The following NKAIN2 variants were observed in gnomAD, a reference collection of about 807,000 sequenced individuals.
NKAIN2 encodes the protein sodium/potassium-transporting ATPase subunit beta-1-interacting protein 2.
In NKAIN2, 14 loss-of-function variants were observed where a neutral mutation model predicts 32.6. The ratio of observed to expected loss-of-function variants is 0.43; its 90% CI spans 0.28 to 0.67. The LOEUF is 0.67. Among genes scored for constraint, NKAIN2 ranks in the 30% least tolerant of loss-of-function variants. The probability of loss-of-function intolerance (pLI) is 0.17; values close to 1 mark genes in which losing one functional copy is unlikely to be tolerated. For missense variants in NKAIN2, 198 were observed against 258.3 expected, an observed-to-expected ratio of 0.77 and a Z score of 1.60; for synonymous variants, 80 against 87.2, an observed-to-expected ratio of 0.92 and a Z score of 0.46.
intron 3 of NKAIN2, chr6:124,437,952 C>T (rs1272864462): frequency 1.6e-5 from 6 of 386,418 alleles, no homozygotes; most frequent in Non-Finnish European, 3.0e-5. Context: ...ATTATTTGTA[C>T]AATTTTAACT....
chr6:124,256,675 G>A (rs1793949423), intron 1 of NKAIN2, among the ~76,000 whole-genome samples: 1 of 151,984 alleles, frequency 6.6e-6, no homozygotes, highest in African/African-American at 2.4e-5. Context: ...AAATATCTGT[G>A]CCTCAGTTTC....
intron 1 of NKAIN2, among the ~76,000 whole-genome samples, chr6:123,939,162 CT>C (rs533775137): frequency 9.4e-4 from 143 of 152,014 alleles, no homozygotes; most frequent in Middle Eastern, 3.4e-3. Context: ...GCTTGGGGTT[CT>C]GAATAAGTCT....
At chr6:124,588,091 C>T (rs1002921392) in intron 3 of NKAIN2, among the ~76,000 whole-genome samples, 4 of 152,142 alleles carry the variant, frequency 2.6e-5, no homozygotes, top group African/African-American at 7.2e-5. Flanking sequence ...ATTCACTTGA[C>T]TCTGTGTCAT....
At chr6:123,922,474 C>G (rs191341237) in intron 1 of NKAIN2, among the ~76,000 whole-genome samples, 15 of 152,254 alleles carry the variant, frequency 9.9e-5, no homozygotes, top group Non-Finnish European at 2.2e-4. Context: ...ATCACATGGA[C>G]AGTAAACTTT....
At chr6:124,018,577 G>A (rs919552008) in intron 1 of NKAIN2, among the ~76,000 whole-genome samples, 1 of 152,084 alleles carries the variant, frequency 6.6e-6, no homozygotes, top group African/African-American at 2.4e-5. Context: ...CAGATCTCTA[G>A]GGTGGGGAGA....
chr6:124,819,527 C>T (rs1781307487), intron 6 of NKAIN2, among the ~76,000 whole-genome samples: 1 of 152,148 alleles, frequency 6.6e-6, no homozygotes, highest in Non-Finnish European at 1.5e-5. Flanking sequence ...CACTGTATTA[C>T]ACATTTCCTC....
intron 1 of NKAIN2, among the ~76,000 whole-genome samples, chr6:124,150,319 T>G (rs2114387672): frequency 6.6e-6 from 1 of 152,300 alleles, no homozygotes; most frequent in African/African-American, 2.4e-5. Context: ...CTATCAAAAC[T>G]AATGTATTGA....
At chr6:124,006,257 A>G (rs928166360) in intron 1 of NKAIN2, among the ~76,000 whole-genome samples, 2 of 152,196 alleles carry the variant, frequency 1.3e-5, no homozygotes, top group Non-Finnish European at 2.9e-5. Context: ...CAAGGTTTCA[A>G]CACTCATGGC....
chr6:124,469,049 C>G (rs530650758), intron 3 of NKAIN2, among the ~76,000 whole-genome samples: 56 of 152,276 alleles, frequency 3.7e-4, no homozygotes, highest in Admixed American at 9.2e-4. Context: ...TGTGTAACTC[C>G]AGAGACCCAT....
At chr6:124,353,256 T>C (rs73770420) in intron 2 of NKAIN2, among the ~76,000 whole-genome samples, 4,276 of 152,294 alleles carry the variant, frequency 0.028, 174 homozygotes, top group East Asian at 0.11. Flanking sequence ...ATTACCACTG[T>C]GCATTGGAGA....
At chr6:123,976,938 T>G (rs2114654381) in intron 1 of NKAIN2, among the ~76,000 whole-genome samples, 1 of 119,958 alleles carries the variant, frequency 8.3e-6, no homozygotes, top group East Asian at 3.0e-4. Flanking sequence ...TTCACTGTCC[T>G]TAATGCACCT....
chr6:124,793,659 G>T (rs1194596257), intron 5 of NKAIN2, among the ~76,000 whole-genome samples: 2 of 140,046 alleles, frequency 1.4e-5, no homozygotes, highest in East Asian at 4.3e-4. Flanking sequence ...AGAAATGCTA[G>T]TTCCACAAGA....
chr6:124,741,444 T>C (rs1410578046), intron 4 of NKAIN2, among the ~76,000 whole-genome samples: 1 of 151,892 alleles, frequency 6.6e-6, no homozygotes, highest in Admixed American at 6.6e-5. Context: ...CAACTCAGGA[T>C]GTATGAGTAT....
intron 3 of NKAIN2, among the ~76,000 whole-genome samples, chr6:124,457,060 G>A (rs1268723669): frequency 2.0e-5 from 3 of 151,834 alleles, no homozygotes; most frequent in African/African-American, 7.3e-5. Context: ...CTGGATCAGG[G>A]TAAGTTGCAA....
At chr6:124,760,655 T>C (rs1317885168) in intron 4 of NKAIN2, among the ~76,000 whole-genome samples, 1 of 151,952 alleles carries the variant, frequency 6.6e-6, no homozygotes, top group Non-Finnish European at 1.5e-5. Context: ...TTAATAAGTG[T>C]CCCTTTCATC....
At chr6:124,021,830 T>A (rs1348545201) in intron 1 of NKAIN2, among the ~76,000 whole-genome samples, 1 of 152,176 alleles carries the variant, frequency 6.6e-6, no homozygotes, top group East Asian at 1.9e-4. Context: ...TAACTAGGTT[T>A]GCATGAGATT....
At chr6:124,521,421 A>G (rs1001323023) in intron 3 of NKAIN2, among the ~76,000 whole-genome samples, 9 of 152,150 alleles carry the variant, frequency 5.9e-5, no homozygotes, top group African/African-American at 2.2e-4. Context: ...TTCTTTAGTC[A>G]TCATATTTTA....
At chr6:123,931,119 T>C (rs922267749) in intron 1 of NKAIN2, among the ~76,000 whole-genome samples, 1 of 152,084 alleles carries the variant, frequency 6.6e-6, no homozygotes, top group African/African-American at 2.4e-5. Context: ...ACCTTCTTTC[T>C]CAGTAGGTGA....
intron 1 of NKAIN2, among the ~76,000 whole-genome samples, chr6:124,277,779 A>AGG (rs1795105122): frequency 6.6e-6 from 1 of 152,112 alleles, no homozygotes; most frequent in Non-Finnish European, 1.5e-5. Flanking sequence ...GAAGAGGTAC[A>AGG]GAGAGGAGAA....
Sources: gnomAD v4.1 joint callset for allele counts (sites outside exome capture counted in the v4.1 genomes callset) on GRCh38, gnomAD v4.1.1 for gene constraint, MANE v1.5 for transcripts, NCBI Gene and HGNC (gene_info 2026-07-23, HGNC 2026-07-21) for gene names.